Variants in DNAH6 observed in about 807,000 individuals in gnomAD.
The protein encoded by DNAH6 is axonemal beta dynein heavy chain 6.
A neutral mutation model predicts 491.4 loss-of-function variants in DNAH6; 340 were observed. The observed-to-expected ratio is 0.69, with a 90% CI of 0.63 to 0.76. DNAH6 has a LOEUF of 0.76. DNAH6 is among the 30% of genes least tolerant of loss of function. DNAH6 has a pLI of 0.00. For synonymous variants in DNAH6, 1,603 were observed against 1,686.1 expected (o/e 0.95, Z 1.21); for missense variants, 4,443 against 4,972.2 (o/e 0.89, Z 3.20).
chr2:84,634,531 G>A lies in DNAH6; in HGVS notation c.4543G>A (p.Ala1515Thr), dbSNP rs1225984285. The A allele has an allele frequency of 6.5e-7, 1 of 1,546,038 alleles. No individual in the cohort carries two copies. Among genetic ancestry groups the A allele is most frequent in the Admixed American group, 2.0e-5 (1 of 49,778 alleles). ...GATGGGGCGCTTCTTCAGTGGCTTG[G>A]CACAGTCAGGGGCCTGGTGCTGCTT... The part of the protein sequence containing the change: ...KMMGRFFSGL[A>T]QSGAWCCFDE... The change falls in exon 30 of 77, where the codon GCA (alanine) becomes ACA (threonine). Residue 1515 changes from alanine (A) to threonine (T), a missense_variant. Ala to Thr is a moderately conservative substitution (Grantham distance 58). Around this residue, in one of 3 missense-constraint regions of DNAH6, gnomAD observed 2,977 missense variants for 3,296.6 expected, o/e 0.90. Transcript: ENST00000389394.
intron 18 of DNAH6, among the ~76,000 whole-genome samples, chr2:84,596,379 A>G (rs1315782696): frequency 5.9e-5 from 9 of 152,188 alleles, no homozygotes; most frequent in Admixed American, 6.5e-5. Flanking sequence ...GTTGGAATGC[A>G]GTGGCACGAT....
At position 84,525,656 on chromosome 2, in the gene DNAH6, G is replaced by T; in HGVS notation, c.317G>T (p.Arg106Leu). 1 of 1,550,448 alleles carries T rather than the reference G, an allele frequency of 6.4e-7. No individual in the cohort carries two copies. The highest frequency in any genetic ancestry group is 8.7e-7 in the Non-Finnish European group (1 of 1,146,284). ...TTAATGACTGCAGGAATCATTAAAC[G>T]TCCAGTAAGCATAGCAAAAAAAAGT... The part of the protein sequence containing the change: ...FQLMTAGIIK[R>L]PVSIAKKSFA... The change falls in exon 3 of 77, where the codon CGT (arginine) becomes CTT (leucine). Residue 106 changes from arginine (R) to leucine (L), a missense_variant. This residue lies in a region of DNAH6 where 2,977 missense variants were observed against 3,296.6 expected (regional missense o/e 0.90). Coordinates refer to ENST00000389394, the MANE Select transcript of DNAH6 (RefSeq NM_001370.2).
chr2:84,501,910 TTC>T, the DNAH6 span, among the ~76,000 whole-genome samples: 24 of 151,978 alleles, frequency 1.6e-4, 1 homozygote, highest in Non-Finnish European at 2.9e-4. Flanking sequence ...TATTGGGATC[TTC>T]TCTCTTTTTT....
At chr2:84,477,446 T>A in the DNAH6 span, among the ~76,000 whole-genome samples, 1 of 152,148 alleles carries the variant, frequency 6.6e-6, no homozygotes, top group Non-Finnish European at 1.5e-5. Flanking sequence ...AAGATGGCGT[T>A]TCTCTGGTTC....
chr2:84,518,147 CAAA>C, intron 2 of DNAH6, 96 bp downstream of exon 2: 1 of 859,272 alleles, frequency 1.2e-6, no homozygotes, highest in East Asian at 2.7e-5. Context: ...TCTGAACTGA[CAAA>C]GAAGGAATGA....
At chr2:84,765,948 G>A (rs1363516525) in intron 64 of DNAH6, among the ~76,000 whole-genome samples, 1 of 152,022 alleles carries the variant, frequency 6.6e-6, no homozygotes, top group Non-Finnish European at 1.5e-5. Context: ...AACAGCGTTT[G>A]AAGCAAAAGA....
At chr2:84,740,621 G>T (rs911328827) in intron 62 of DNAH6, among the ~76,000 whole-genome samples, 2 of 152,138 alleles carry the variant, frequency 1.3e-5, no homozygotes, top group Middle Eastern at 3.2e-3. Flanking sequence ...TGCAGCAAGG[G>T]TTAGATCTCC....
chr2:84,549,867 A>G (rs1679151182), intron 8 of DNAH6, 22 bp from the exon 9 acceptor site: 1 of 1,568,592 alleles, frequency 6.4e-7, no homozygotes, highest in South Asian at 1.2e-5. Context: ...CCGAAATTGT[A>G]TTAGTTTTTT....
At chr2:84,675,755 C>A (rs1390978759) in intron 40 of DNAH6, among the ~76,000 whole-genome samples, 1 of 152,146 alleles carries the variant, frequency 6.6e-6, no homozygotes, top group Non-Finnish European at 1.5e-5. Flanking sequence ...ACCTCCCAGG[C>A]TCAAGCAATC....
chr2:84,738,730 CAT>C (rs1481261079), intron 62 of DNAH6, among the ~76,000 whole-genome samples: 3 of 152,182 alleles, frequency 2.0e-5, no homozygotes, highest in African/African-American at 7.2e-5. Flanking sequence ...GGTGTCATAA[CAT>C]GTGAGATTGG....
rs1259111294 is a variant in DNAH6 at position 84,722,625 on chromosome 2, A to C, written c.9793A>C (p.Ile3265Leu). The change falls in exon 60 of 77, where the codon ATC becomes CTC. Residue 3265 changes from isoleucine to leucine, a missense_variant and splice_region_variant. Physicochemically the swap from Ile to Leu is conservative, Grantham distance 5. This residue lies in a region of DNAH6 where 1,463 missense variants were observed against 1,656.6 expected (regional missense o/e 0.88). Coordinates refer to ENST00000389394, the MANE Select transcript of DNAH6 (RefSeq NM_001370.2). ...ELIDTLQDSK[I>L]TSGAIKTRLE... ...AACTTGTTATTGTATGTTTATTCAGATCACTTCTGGTGCCATTAAAACCAG... is the reference window on the plus strand; with the variant it reads ...AACTTGTTATTGTATGTTTATTCAGCTCACTTCTGGTGCCATTAAAACCAG... The C allele has an allele frequency of 1.0e-5, 16 of 1,541,646 alleles. No individual in the cohort carries two copies. The highest frequency in any genetic ancestry group is 1.3e-5 in the Non-Finnish European group (15 of 1,143,766).
intron 10 of DNAH6, among the ~76,000 whole-genome samples, chr2:84,557,403 T>A (rs1171491125): frequency 1.3e-5 from 2 of 151,808 alleles, no homozygotes; most frequent in Non-Finnish European, 2.9e-5. Flanking sequence ...TCCCAGCACT[T>A]TGGGAGGCCG....
intron 11 of DNAH6, among the ~76,000 whole-genome samples, chr2:84,568,227 A>G (rs1681417014): frequency 1.3e-5 from 2 of 152,236 alleles, no homozygotes. Context: ...TACCGGGTAT[A>G]TACCCAAAGG....
chr2:84,494,938 C>T, the DNAH6 span, among the ~76,000 whole-genome samples: 2,378 of 152,168 alleles, frequency 0.016, 47 homozygotes, highest in Admixed American at 0.056. Context: ...TCAGGTGATG[C>T]CAATGCTGCT....
chr2:84,559,888 A>C (rs910196066), intron 11 of DNAH6, among the ~76,000 whole-genome samples: 2 of 152,202 alleles, frequency 1.3e-5, no homozygotes, highest in Non-Finnish European at 2.9e-5. Context: ...ATAGTGCTCA[A>C]AGGAGAATAA....
At chr2:84,660,285 A>C (rs1413722742) in intron 37 of DNAH6, among the ~76,000 whole-genome samples, 2 of 152,178 alleles carry the variant, frequency 1.3e-5, no homozygotes, top group African/African-American at 4.8e-5. Context: ...GTTTGAAGAG[A>C]CTTCCACTGG....
intron 42 of DNAH6, among the ~76,000 whole-genome samples, chr2:84,684,995 T>C (rs1558906907): frequency 1.3e-5 from 2 of 152,172 alleles, no homozygotes; most frequent in Non-Finnish European, 2.9e-5. Flanking sequence ...TTAGTATATT[T>C]TAAAGTAATG....
At chr2:84,674,993 C>T (rs13407694) in intron 40 of DNAH6, among the ~76,000 whole-genome samples, 8,038 of 152,310 alleles carry the variant, frequency 0.053, 204 homozygotes, top group Middle Eastern at 0.085. Context: ...ATATCCCCCA[C>T]GGCATGCCTT....
At chr2:84,805,933 T>C in intron 71 of DNAH6, 139 bp downstream of exon 71, 1 of 694,042 alleles carries the variant, frequency 1.4e-6, no homozygotes, top group Non-Finnish European at 2.3e-6. Flanking sequence ...CATGGAGCTC[T>C]TCATTTATAG....
Sources: allele counts gnomAD v4.1 joint callset (sites outside exome capture counted in the v4.1 genomes callset), GRCh38; gene constraint gnomAD v4.1.1; regional missense constraint gnomAD v4.1.1; transcripts MANE v1.5; gene names NCBI Gene and HGNC (gene_info 2026-07-23, HGNC 2026-07-21).